The following BLNK variants were observed in gnomAD, a reference collection of about 807,000 sequenced individuals.
BLNK encodes B-cell linker protein.
A neutral mutation model predicts 73.5 loss-of-function variants in BLNK; 29 were observed. That is an observed-to-expected ratio of 0.39 (90% CI 0.29 to 0.54). The LOEUF is 0.54. Ranked by LOEUF, BLNK falls within the 20% of genes least tolerant of loss-of-function variation. The pLI, the probability that BLNK is intolerant of heterozygous loss-of-function variation, is 0.61. For missense variants in BLNK, 460 were observed against 562.8 expected, an observed-to-expected ratio of 0.82 and a Z score of 1.85; for synonymous variants, 176 against 200.8, an observed-to-expected ratio of 0.88 and a Z score of 1.04.
chr10:96,242,519 A>T (rs587729514), intron 3 of BLNK, among the ~76,000 whole-genome samples: 1 of 152,234 alleles, frequency 6.6e-6, no homozygotes, highest in Non-Finnish European at 1.5e-5. Flanking sequence ...AAGATGTTTA[A>T]TAAGTGACCA....
chr10:96,206,178 G>C (rs1174483756), intron 11 of BLNK, among the ~76,000 whole-genome samples: 1 of 152,164 alleles, frequency 6.6e-6, no homozygotes, highest in African/African-American at 2.4e-5. Context: ...AGAGAAAGGA[G>C]AGTGCTTTAT....
At chr10:96,201,163 C>CA (rs1458486825) in intron 13 of BLNK, 105 bp from the exon 14 acceptor site, 96 of 1,007,912 alleles carry the variant, frequency 9.5e-5, no homozygotes, top group Non-Finnish European at 1.2e-4. Context: ...ACACATCCAC[C>CA]AAAAAAAATC....
chr10:96,213,734 T>G (rs1473603850), intron 8 of BLNK, among the ~76,000 whole-genome samples: 1 of 152,220 alleles, frequency 6.6e-6, no homozygotes, highest in Non-Finnish European at 1.5e-5. Flanking sequence ...GGTCTTCATT[T>G]ATTTATTTGT....
At chr10:96,271,312 A>G (rs967987754) in intron 1 of BLNK, 40 bp downstream of exon 1, 1 of 1,606,034 alleles carries the variant, frequency 6.2e-7, no homozygotes, top group Non-Finnish European at 8.5e-7. Context: ...GGGGGGAAAA[A>G]AAGGAGATGA....
chr10:96,260,899 A>G (rs1843728135), intron 1 of BLNK, among the ~76,000 whole-genome samples: 1 of 151,746 alleles, frequency 6.6e-6, no homozygotes, highest in East Asian at 1.9e-4. Flanking sequence ...GCTGGGGTAT[A>G]GTGGCGTTAT....
intron 11 of BLNK, chr10:96,205,327 G>C (rs1022531854): frequency 6.6e-6 from 1 of 152,658 alleles, no homozygotes; most frequent in Non-Finnish European, 1.5e-5. Context: ...GTTGGGGGGT[G>C]GGGTGTGTTA....
At chr10:96,195,030 A>C (rs1554894385) in intron 16 of BLNK, among the ~76,000 whole-genome samples, 1 of 151,868 alleles carries the variant, frequency 6.6e-6, no homozygotes, top group East Asian at 1.9e-4. Flanking sequence ...CGGCCTCCCA[A>C]AGTGCTGGGA....
intron 4 of BLNK, among the ~76,000 whole-genome samples, chr10:96,228,595 G>A (rs1554903265): frequency 6.6e-6 from 1 of 152,150 alleles, no homozygotes; most frequent in African/African-American, 2.4e-5. Flanking sequence ...AGTCCACACT[G>A]AAAATACATT....
intron 8 of BLNK, among the ~76,000 whole-genome samples, chr10:96,213,595 G>A (rs1554899149): frequency 1.6e-5 from 2 of 121,878 alleles, no homozygotes; most frequent in South Asian, 2.3e-4. Context: ...AGTACTGGGT[G>A]TGTTTTAGGA....
intron 1 of BLNK, among the ~76,000 whole-genome samples, chr10:96,270,880 C>CT (rs1171801062): frequency 6.6e-6 from 1 of 152,208 alleles, no homozygotes; most frequent in Non-Finnish European, 1.5e-5. Flanking sequence ...CCCAAACACA[C>CT]TTGTCATATA....
intron 1 of BLNK, among the ~76,000 whole-genome samples, chr10:96,269,469 G>A (rs1275345224): frequency 2.0e-5 from 3 of 151,048 alleles, no homozygotes; most frequent in Admixed American, 2.0e-4. Context: ...AGAGGAAGGT[G>A]CCTAGTTAGT....
intron 3 of BLNK, among the ~76,000 whole-genome samples, chr10:96,232,997 G>A (rs1842563406): frequency 6.6e-6 from 1 of 151,940 alleles, no homozygotes; most frequent in Non-Finnish European, 1.5e-5. Flanking sequence ...GTAGAGATGG[G>A]GTTTTGCCAT....
At chr10:96,261,619 A>G (rs957246081) in intron 1 of BLNK, among the ~76,000 whole-genome samples, 4 of 152,190 alleles carry the variant, frequency 2.6e-5, no homozygotes, top group Non-Finnish European at 4.4e-5. Context: ...CTGCCATGGT[A>G]AAAAAGAGAA....
At position 96,271,302 on chromosome 10, in the gene BLNK, G is replaced by A. The variant is rs1319082502; in HGVS notation, c.47+50C>T. 1.9e-6 allele frequency: 3 copies of A among 1,580,476 alleles called. No homozygotes were observed. The African/African-American group carries it at 4.0e-5, about 21-fold the overall frequency. Reference sequence around the variant, plus strand: ...ATTTCTGAGATGCCATAAGAGCACTGGGGGGAAAAAAAGGAGATGAAGAAG... The same window carrying A: ...ATTTCTGAGATGCCATAAGAGCACTAGGGGGAAAAAAAGGAGATGAAGAAG... On this transcript the variant is annotated intron_variant, in intron 1 of 16. Coordinates refer to ENST00000224337, the MANE Select transcript of BLNK (RefSeq NM_013314.4).
chr10:96,198,800 C>T (rs1479857486), intron 15 of BLNK, among the ~76,000 whole-genome samples: 2 of 152,170 alleles, frequency 1.3e-5, no homozygotes, highest in Non-Finnish European at 1.5e-5. Context: ...CTAGGCCCAA[C>T]CGATTCTCCT....
At chr10:96,252,481 C>A (rs1843326244) in intron 1 of BLNK, among the ~76,000 whole-genome samples, 1 of 152,098 alleles carries the variant, frequency 6.6e-6, no homozygotes, top group South Asian at 2.1e-4. Context: ...AAAGCAAATA[C>A]CTGTTTGGGG....
intron 5 of BLNK, among the ~76,000 whole-genome samples, chr10:96,226,853 C>CA (rs781905426): frequency 0.011 from 1,538 of 141,562 alleles, 5 homozygotes; most frequent in Middle Eastern, 0.029. Flanking sequence ...CAAAACAAAA[C>CA]AAAAAAAAAA....
At chr10:96,249,698 C>T (rs1048737121) in intron 1 of BLNK, among the ~76,000 whole-genome samples, 1 of 152,140 alleles carries the variant, frequency 6.6e-6, no homozygotes, top group Non-Finnish European at 1.5e-5. Flanking sequence ...GGGGTTTGGG[C>T]GATGGCAGGG....
At chr10:96,242,950 A>G (rs17111510) in intron 2 of BLNK, among the ~76,000 whole-genome samples, 166 bp from the exon 3 acceptor site, 2,126 of 152,312 alleles carry the variant, frequency 0.014, 43 homozygotes, top group African/African-American at 0.048. Context: ...TAGTGAAGCC[A>G]TTAGTCAGGG....
Sources: allele counts gnomAD v4.1 joint callset (sites outside exome capture counted in the v4.1 genomes callset), GRCh38; gene constraint gnomAD v4.1.1; transcripts MANE v1.5; gene names NCBI Gene and HGNC (gene_info 2026-07-23, HGNC 2026-07-21).